The following ZNF625 variants were observed in gnomAD, a reference collection of about 807,000 sequenced individuals.
ZNF625 encodes the protein zinc finger protein 625.
In ZNF625, 8 loss-of-function variants were observed where a neutral mutation model predicts 11.1. That is an observed-to-expected ratio of 0.72 (90% CI 0.42 to 1.30). The LOEUF (loss-of-function observed/expected upper bound fraction) is 1.30. Ranked by LOEUF, ZNF625 falls within the 50% of genes most tolerant of loss-of-function variation. ZNF625 has a pLI of 0.01. For synonymous variants in ZNF625, 145 were observed against 153.4 expected (o/e 0.95, Z 0.41); for missense variants, 349 against 447.6 (o/e 0.78, Z 1.99).
chr19:12,147,276 A>G (rs1976890326), intron 3 of ZNF625, 119 bp downstream of exon 3: 3 of 989,796 alleles, frequency 3.0e-6, no homozygotes, highest in Non-Finnish European at 4.4e-6. Flanking sequence ...CCTAGAGAAA[A>G]TTTTGTAAGA....
intron 1 of ZNF625, among the ~76,000 whole-genome samples, chr19:12,152,883 A>T (rs1003659027): frequency 2.6e-5 from 4 of 152,216 alleles, no homozygotes; most frequent in Admixed American, 1.3e-4. Context: ...CTAATAATAC[A>T]AAGTAACTTC....
In ZNF625 at chr19:12,145,263, T is replaced by C. The variant is rs75403687; in HGVS notation, c.*34A>G. ...TGAGGGAAACACATTTTTACCATGA[T>C]TGGATTCGGTGGCTTCTAGGAATCT... On this transcript the variant is annotated 3_prime_UTR_variant, in exon 4 of 4. Transcript: ENST00000439556. 1.9e-6 allele frequency: 3 copies of C among 1,543,972 alleles called. No homozygotes were observed. The highest frequency in any genetic ancestry group is 4.5e-5 in the East Asian group (2 of 44,172).
chr19:12,153,654 A>G (rs1976987900), intron 1 of ZNF625, among the ~76,000 whole-genome samples: 1 of 147,740 alleles, frequency 6.8e-6, no homozygotes, highest in Admixed American at 6.8e-5. Context: ...AGTGCACTCC[A>G]GCCTGGGTGA....
rs773766421 is a variant in ZNF625, at chr19:12,150,850, A to G, written c.4-3048T>C. Among the ~76,000 whole-genome samples, 63 of 151,788 alleles carry G rather than the reference A, an allele frequency of 4.2e-4. No individual in the cohort carries two copies. In the Middle Eastern group the frequency reaches 0.014, roughly 33 times the overall value. On this transcript the variant is annotated intron_variant, in intron 1 of 3. Transcript: ENST00000439556. The stretch of plus-strand genomic sequence containing the variant: ...CTCCTCATGACCACTCCTTGTTGTC[A>G]CTCCATAAACTGGGTGAGATGGGGG...
At chr19:12,147,863 C>T in intron 1 of ZNF625, 61 bp from the exon 2 acceptor site, 1 of 1,582,778 alleles carries the variant, frequency 6.3e-7, no homozygotes, top group South Asian at 1.2e-5. Flanking sequence ...GGTTCCTATA[C>T]TCTATTCCTA....
intron 1 of ZNF625, among the ~76,000 whole-genome samples, chr19:12,154,259 A>G (rs930808930): frequency 6.6e-6 from 1 of 152,092 alleles, no homozygotes; most frequent in African/African-American, 2.4e-5. Flanking sequence ...TGGAATGTCA[A>G]ATTTGATAAT....
intron 1 of ZNF625, among the ~76,000 whole-genome samples, chr19:12,153,346 T>C (rs1290653564): frequency 7.7e-6 from 1 of 129,986 alleles, no homozygotes. Context: ...TGAGACTCCA[T>C]CTCAAAAAAA....
intron 1 of ZNF625, among the ~76,000 whole-genome samples, chr19:12,151,600 C>G (rs976511204): frequency 6.6e-6 from 1 of 151,950 alleles, no homozygotes; most frequent in Non-Finnish European, 1.5e-5. Context: ...AAGATGGTCT[C>G]GGTCTCCTGA....
At position 12,144,942 on chromosome 19, in the gene ZNF625, CTGACCTCG is replaced by C; in HGVS notation, c.*347_*354del. 5.2e-6 allele frequency: 1 copy of C among 192,228 alleles called. No homozygotes were observed. Among genetic ancestry groups the C allele is most frequent in the Non-Finnish European group, 1.1e-5 (1 of 93,604 alleles). 11.9% of individuals were successfully genotyped at this position (192,228 alleles called of 1,614,324 possible). A position where few individuals can be genotyped will look rare whatever the true frequency, so the allele number is the denominator to read the frequency against. ...TATTGACCAGGCTGGTCTCGAACTA[CTGACCTCG>C]TGGTCCGCCTGCCTCGGCCTCCCAA... On this transcript the variant is annotated 3_prime_UTR_variant, in exon 4 of 4. Transcript: ENST00000439556.
intron 1 of ZNF625, among the ~76,000 whole-genome samples, chr19:12,153,854 C>G (rs1384179969): frequency 7.5e-6 from 1 of 133,768 alleles, no homozygotes; most frequent in Non-Finnish European, 1.5e-5. Context: ...GTCCCCCAGG[C>G]TGGAGTGCAG....
In ZNF625 at chr19:12,147,664, T is replaced by C. The variant is rs1455426254; in HGVS notation, c.130+12A>G. On this transcript the variant is annotated intron_variant, in intron 2 of 3. Coordinates refer to ENST00000439556, the MANE Select transcript of ZNF625 (RefSeq NM_145233.4). ...TCTAATTCACTGAGGAAAGTAATATTGTTACCCTTACCTACAGAAGCCAGG... is the reference window on the plus strand; with the variant it reads ...TCTAATTCACTGAGGAAAGTAATATCGTTACCCTTACCTACAGAAGCCAGG... 1.2e-6 allele frequency: 2 copies of C among 1,613,788 alleles called. No individual in the cohort carries two copies. The highest frequency in any genetic ancestry group is 3.3e-5 in the Admixed American group (2 of 59,868).
At position 12,151,204 on chromosome 19, in the gene ZNF625, CTTTTTTT is replaced by C. The variant is rs573002649; in HGVS notation, c.4-3409_4-3403del. 2.2e-5 allele frequency among the ~76,000 whole-genome samples: 3 copies of C among 133,974 alleles called. No homozygotes were observed. The Admixed American group carries it at 2.3e-4, about 10-fold the overall frequency. The allele number at this position is 133,974 out of a possible 152,430, so 87.9% of individuals were successfully genotyped here. On this transcript the variant is annotated intron_variant, in intron 1 of 3. Coordinates refer to ENST00000439556, the MANE Select transcript of ZNF625 (RefSeq NM_145233.4). ...TAAGATCAGCTATACTCTTGTATTT[CTTTTTTT>C]TTTTTTTTTCTTTTGTCTGAGACAG...
At position 12,145,821 on chromosome 19, in the gene ZNF625, C is replaced by T. The variant is rs762286440; in HGVS notation, c.595G>A (p.Ala199Thr). 5.5e-5 allele frequency: 89 copies of T among 1,614,086 alleles called. No individual in the cohort carries two copies. Among genetic ancestry groups the T allele is most frequent in the Non-Finnish European group, 1.7e-6 (2 of 1,180,044 alleles). Residue 199 changes from alanine (A) to threonine (T), a missense_variant, in exon 4 of 4, where the codon GCC (alanine) becomes ACC (threonine). By Grantham distance (58) the Ala-to-Thr change is moderately conservative (BLOSUM62 0). Coordinates refer to ENST00000439556, the MANE Select transcript of ZNF625 (RefSeq NM_145233.4). ...AGATACAAACTGAGACACATCAAGG[C>T]TTTCCCACAAAAGTTACATTTGTAG... ...GPYKCNFCGKALMCLSLYLIH... is the reference protein window; with the variant it reads ...GPYKCNFCGKTLMCLSLYLIH...
Position 12,147,665 on chromosome 19 carries a change from G to A in ZNF625, c.130+11C>T. The A allele has an allele frequency of 6.2e-7, 1 of 1,613,716 alleles. No homozygotes were observed. The highest frequency in any genetic ancestry group is 8.5e-7 in the Non-Finnish European group (1 of 1,179,896). ...CTAATTCACTGAGGAAAGTAATATT[G>A]TTACCCTTACCTACAGAAGCCAGGT... On this transcript the variant is annotated intron_variant, in intron 2 of 3. Transcript: ENST00000439556.
At position 12,145,885 on chromosome 19, in the gene ZNF625, G is replaced by A. The variant is rs747916429; in HGVS notation, c.531C>T (p.Ser177=). The A allele has an allele frequency of 1.2e-6, 2 of 1,614,138 alleles. No homozygotes were observed. The highest frequency in any genetic ancestry group is 1.7e-6 in the Non-Finnish European group (2 of 1,179,996). Residue 177 remains serine (S), a synonymous_variant, in exon 4 of 4, where the codon AGC becomes AGT. Transcript: ENST00000439556. ...ECGKSFISRS[S]IRRHRIMHSG... ...TGTGCATTATCCTGTGTCTTCGAAT[G>A]CTTGAACGGGAAATAAAGCTTTTTC... is the stretch of plus-strand genomic sequence containing the variant.
chr19:12,156,466 G>T, intron 1 of ZNF625, 90 bp downstream of exon 1: 1 of 1,142,640 alleles, frequency 8.8e-7, no homozygotes, highest in Non-Finnish European at 1.1e-6. Context: ...CGAAGTCGCT[G>T]CAGGAAGGCC....
chr19:12,152,240 A>ATG (rs1976966496), intron 1 of ZNF625, among the ~76,000 whole-genome samples: 1 of 152,004 alleles, frequency 6.6e-6, no homozygotes, highest in African/African-American at 2.4e-5. Flanking sequence ...GTACATGTAT[A>ATG]TGTGTATATA....
At chr19:12,156,516 C>A in intron 1 of ZNF625, 40 bp downstream of exon 1, 1 of 1,416,546 alleles carries the variant, frequency 7.1e-7, no homozygotes. Context: ...TTCCTCCCGG[C>A]CCCTCCCCCG....
At chr19:12,152,669 C>T (rs1235756650) in intron 1 of ZNF625, among the ~76,000 whole-genome samples, 2 of 151,940 alleles carry the variant, frequency 1.3e-5, no homozygotes, top group Non-Finnish European at 2.9e-5. Context: ...GGTAAAACCT[C>T]GTCTCTACTA....
Sources: allele counts gnomAD v4.1 joint callset (sites outside exome capture counted in the v4.1 genomes callset), GRCh38; gene constraint gnomAD v4.1.1; transcripts MANE v1.5; gene names NCBI Gene and HGNC (gene_info 2026-07-23, HGNC 2026-07-21).